NCOA7: variants seen among roughly 807,000 people sequenced by gnomAD.
NCOA7 encodes the protein 140 kDa estrogen receptor-associated protein.
Under a neutral mutation model 104.3 loss-of-function variants are expected in NCOA7, and 45 were observed. The observed-to-expected ratio is 0.43, with a 90% CI of 0.34 to 0.55. NCOA7 has a LOEUF of 0.55. NCOA7 is among the 20% of genes least tolerant of loss of function. NCOA7 has a pLI of 0.02. For synonymous variants in NCOA7, 398 were observed against 402.3 expected (o/e 0.99, Z 0.13); for missense variants, 1,041 against 1,119.7 (o/e 0.93, Z 1.00).
chr6:125,912,799 A>C (rs932315130), intron 10 of NCOA7, among the ~76,000 whole-genome samples: 15 of 152,344 alleles, frequency 9.8e-5, no homozygotes, highest in African/African-American at 3.6e-4. Flanking sequence ...GCTTTTTCCC[A>C]ACAAATAATA....
At chr6:125,912,169 A>G (rs996730942) in intron 10 of NCOA7, among the ~76,000 whole-genome samples, 1 of 152,048 alleles carries the variant, frequency 6.6e-6, no homozygotes, top group Non-Finnish European at 1.5e-5. Context: ...ATAGATCTTC[A>G]GATGTTTGGT....
intron 3 of NCOA7, among the ~76,000 whole-genome samples, chr6:125,857,204 A>G (rs903936691): frequency 3.3e-5 from 5 of 152,162 alleles, no homozygotes; most frequent in African/African-American, 1.2e-4. Context: ...CTTATTTCCA[A>G]AAAGAGGAAG....
At position 125,805,087 on chromosome 6, in the gene NCOA7, C is replaced by CTTTTTTTTT. The variant is rs59737297; in HGVS notation, c.-64-10184_-64-10176dup. On this transcript the variant is annotated intron_variant, in intron 1 of 15. Transcript: ENST00000392477. The stretch of plus-strand genomic sequence containing the variant: ...ATAAAGCTGGGTTCACCCTCTTGTT[C>CTTTTTTTTT]TTTTTTTTTTTTTTTTTTTTTTTTT... Among the ~76,000 whole-genome samples, 76 of 58,040 alleles carry CTTTTTTTTT rather than the reference C, an allele frequency of 1.3e-3. 4 individuals are homozygous for CTTTTTTTTT. The highest frequency in any genetic ancestry group is 2.0e-3 in the African/African-American group (33 of 16,250). 38.1% of individuals were successfully genotyped at this position (58,040 alleles called of 152,430 possible). A position where few individuals can be genotyped will look rare whatever the true frequency, so the allele number is the denominator to read the frequency against.
intron 2 of NCOA7, among the ~76,000 whole-genome samples, chr6:125,834,845 G>T (rs1029542588): frequency 6.6e-6 from 1 of 152,180 alleles, no homozygotes; most frequent in African/African-American, 2.4e-5. Context: ...AAAGTGATGT[G>T]CCAGGAATTC....
At chr6:125,857,918 T>C (rs1250127412) in intron 3 of NCOA7, among the ~76,000 whole-genome samples, 1 of 151,800 alleles carries the variant, frequency 6.6e-6, no homozygotes, top group Non-Finnish European at 1.5e-5. Flanking sequence ...TTTTAAATGA[T>C]TTCTCGCTGT....
In NCOA7 at chr6:125,855,100, A is replaced by T. The variant is rs529214502; in HGVS notation, c.131A>T (p.Asp44Val). Residue 44 changes from aspartate (D) to valine (V), a missense_variant, in exon 3 of 16, where the codon GAT becomes GTT. Around this residue, in one of 2 missense-constraint regions of NCOA7, gnomAD observed 914 missense variants for 942.7 expected, o/e 0.97. Transcript: ENST00000392477. Reference protein sequence around the residue: ...VATRTHTGKEDNNTVVLEPDK... With the variant: ...VATRTHTGKEVNNTVVLEPDK... ...ACAAGGACTCATACTGGGAAGGAAG[A>T]TAATAATACAGTAGTTTTAGAGCCA... The T allele has an allele frequency of 6.2e-7, 1 of 1,613,576 alleles. No homozygotes were observed.
intron 4 of NCOA7, among the ~76,000 whole-genome samples, chr6:125,875,947 G>A (rs1223190126): frequency 6.6e-6 from 1 of 152,134 alleles, no homozygotes; most frequent in East Asian, 1.9e-4. Context: ...ATAAGCTCCT[G>A]GAGGCCGGGA....
intron 10 of NCOA7, among the ~76,000 whole-genome samples, chr6:125,893,197 A>T (rs1344137866): frequency 6.6e-6 from 1 of 152,114 alleles, no homozygotes; most frequent in Non-Finnish European, 1.5e-5. Flanking sequence ...TGTTTAATGG[A>T]TCCATGCATC....
Position 125,889,839 on chromosome 6 carries a change from T to C in NCOA7, c.1785T>C (p.Ser595=), listed in dbSNP as rs769220180. The C allele has an allele frequency of 2.5e-6, 4 of 1,613,832 alleles. No homozygotes were observed. Among genetic ancestry groups the C allele is most frequent in the Non-Finnish European group, 3.4e-6 (4 of 1,179,926 alleles). ...AGCCCCTCCCGGTAAAACTGAACTC[T>C]TCTACAGAAGCAAATGTGATTAAAG... The part of the protein sequence containing the change: ...KGEPLPVKLN[S]STEANVIKEA... Residue 595 remains serine, a synonymous_variant, in exon 9 of 16, where the codon TCT becomes TCC. Transcript: ENST00000392477.
chr6:125,799,443 CTTTT>C (rs35143077), intron 1 of NCOA7, among the ~76,000 whole-genome samples: 2 of 138,000 alleles, frequency 1.4e-5, no homozygotes, highest in Admixed American at 7.3e-5. Flanking sequence ...CTTAGTTGTT[CTTTT>C]TTTTTTTTTT....
Position 125,785,578 on chromosome 6 carries a change from C to A in NCOA7, c.-141-559C>A, listed in dbSNP as rs182716884. ...TCTTTTACCCAGTAATACAAACCAC[C>A]ACCACATAATGTCACTTTTTTAGGG... On this transcript the variant is annotated intron_variant, in intron 1 of 16. Coordinates refer to the NCOA7 transcript ENST00000368357. Among the ~76,000 whole-genome samples, 455 of 152,110 alleles carry A rather than the reference C, an allele frequency of 3.0e-3. 2 individuals carry two copies. Among genetic ancestry groups the A allele is most frequent in the Non-Finnish European group, 4.6e-3 (315 of 67,980 alleles).
intron 14 of NCOA7, 74 bp downstream of exon 14, chr6:125,927,832 G>A: frequency 8.1e-7 from 1 of 1,229,096 alleles, no homozygotes; most frequent in Non-Finnish European, 1.2e-6. Context: ...TAGGCATTGG[G>A]GCAGCTAGCT....
intron 1 of NCOA7, among the ~76,000 whole-genome samples, chr6:125,785,873 TCTATATACAG>T (rs1774441373): frequency 6.6e-6 from 1 of 152,230 alleles, no homozygotes; most frequent in African/African-American, 2.4e-5. Context: ...ACAATCCATG[TCTATATACAG>T]CAATATTTCT....
intron 10 of NCOA7, 102 bp downstream of exon 10, chr6:125,890,912 C>T (rs897337853): frequency 2.1e-5 from 23 of 1,112,640 alleles, no homozygotes; most frequent in Non-Finnish European, 2.4e-5. Flanking sequence ...TGAATAAGAG[C>T]TTTATCTGAA....
chr6:125,892,696 CA>C (rs2128662015), intron 10 of NCOA7, among the ~76,000 whole-genome samples: 1 of 152,014 alleles, frequency 6.6e-6, no homozygotes, highest in East Asian at 1.9e-4. Flanking sequence ...AATAAACAAA[CA>C]AAAAAAGCAG....
intron 3 of NCOA7, among the ~76,000 whole-genome samples, chr6:125,856,825 TTGTTCTGGGG>T (rs1781602375): frequency 6.6e-6 from 1 of 152,204 alleles, no homozygotes; most frequent in Non-Finnish European, 1.5e-5. Context: ...GTAATGACAC[TTGTTCTGGGG>T]TGTCCTAAAC....
intron 3 of NCOA7, among the ~76,000 whole-genome samples, chr6:125,867,915 C>A (rs1409040099): frequency 2.6e-5 from 4 of 152,166 alleles, no homozygotes; most frequent in Non-Finnish European, 5.9e-5. Flanking sequence ...TGGGGCCTCA[C>A]CAGTGCGGTG....
chr6:125,804,880 G>A (rs150260411), intron 1 of NCOA7, among the ~76,000 whole-genome samples: 70 of 152,050 alleles, frequency 4.6e-4, no homozygotes, highest in African/African-American at 1.5e-3. Flanking sequence ...TTCTCAAAAC[G>A]TAAGGGGTAA....
At position 125,922,724 on chromosome 6, in the gene NCOA7, A is replaced by G; in HGVS notation, c.2413A>G (p.Arg805Gly). The G allele has an allele frequency of 6.2e-7, 1 of 1,613,982 alleles. No individual in the cohort carries two copies. Among genetic ancestry groups the G allele is most frequent in the Non-Finnish European group, 8.5e-7 (1 of 1,180,004 alleles). ...TGCAAGGGTGCAAGGGTATCCATGG[A>G]GACTGGCCTATAGCACGTTAGAGCA... ...LPARVQGYPW[R>G]LAYSTLEHGT... The change falls in exon 13 of 16, where the codon AGA (arginine) becomes GGA (glycine). Residue 805 changes from arginine (R) to glycine (G), a missense_variant. Transcript: ENST00000392477.
Sources: allele counts gnomAD v4.1 joint callset (sites outside exome capture counted in the v4.1 genomes callset), GRCh38; gene constraint gnomAD v4.1.1; regional missense constraint gnomAD v4.1.1; transcripts MANE v1.5; gene names NCBI Gene and HGNC (gene_info 2026-07-23, HGNC 2026-07-21).